NME7: variants seen among roughly 807,000 people sequenced by gnomAD.
NME7 encodes the protein nucleoside diphosphate kinase 7.
A neutral mutation model predicts 49.1 loss-of-function variants in NME7; 41 were observed. The observed-to-expected ratio is 0.83, with a 90% CI of 0.65 to 1.08. The LOEUF (loss-of-function observed/expected upper bound fraction) is 1.08. Ranked by LOEUF, NME7 falls within the 50% of genes least tolerant of loss-of-function variation. The pLI is 0.00. For missense variants in NME7, 423 were observed against 463.4 expected (o/e 0.91, Z 0.80); for synonymous variants, 139 against 150.6 (o/e 0.92, Z 0.56).
At position 169,324,399 on chromosome 1, in the gene NME7, A is replaced by T. The variant is rs750909167; in HGVS notation, c.105T>A (p.Val35=). Residue 35 remains valine, a synonymous_variant, in exon 2 of 12, where the codon GTT becomes GTA. Transcript: ENST00000367811. ...CAAAGAAAGGCTTATTTACCATTTC[A>T]ACAGATCCATCCCCTGGGTAAAATA... ...ELLFYPGDGS[V]EMHDVKNHRT... The T allele has an allele frequency of 6.2e-7, 1 of 1,606,938 alleles. No homozygotes were observed. The highest frequency in any genetic ancestry group is 8.5e-7 in the Non-Finnish European group (1 of 1,173,586).
chr1:169,171,138 C>T (rs1659574157), intron 10 of NME7, among the ~76,000 whole-genome samples: 1 of 152,052 alleles, frequency 6.6e-6, no homozygotes, highest in Non-Finnish European at 1.5e-5. Flanking sequence ...CAGGCTCATA[C>T]CTATAATCGG....
At chr1:169,133,665 TAATAGTTGAAGTCTTTAGGA>T (rs1415890396) in intron 11 of NME7, among the ~76,000 whole-genome samples, 1 of 152,238 alleles carries the variant, frequency 6.6e-6, no homozygotes, top group East Asian at 1.9e-4. Context: ...TGCTTAACTT[TAATAGTTGAAGTCTTTAGGA>T]GACTTCAGTA....
In NME7 at chr1:169,349,386, A is replaced by C. The variant is rs79301069; in HGVS notation, c.3+18322T>G. On this transcript the variant is annotated intron_variant, in intron 1 of 11. Transcript: ENST00000367811. The stretch of plus-strand genomic sequence containing the variant: ...GTTATCCTTTGCCCAGTCAGCCCCA[A>C]ATAAGTTTAAAGTTTTTAAATTTAT... Among the ~76,000 whole-genome samples, 6 of 152,302 alleles carry C rather than the reference A, an allele frequency of 3.9e-5. No individual in the cohort carries two copies. In the East Asian group the frequency reaches 1.2e-3, roughly 29 times the overall value.
Position 169,253,947 on chromosome 1 carries a change from C to A in NME7, c.755-16260G>T, listed in dbSNP as rs575667258. Among the ~76,000 whole-genome samples, 480 of 150,412 alleles carry A rather than the reference C, an allele frequency of 3.2e-3. 3 individuals carry two copies. Among genetic ancestry groups the A allele is most frequent in the African/African-American group, 0.011 (459 of 41,200 alleles). Reference sequence around the variant, plus strand: ...CATGGTGGATAAGCTTTTTGATGTGCTGCTGGATTCCTTTTGCCAGTATTT... The same window carrying A: ...CATGGTGGATAAGCTTTTTGATGTGATGCTGGATTCCTTTTGCCAGTATTT... On this transcript the variant is annotated intron_variant, in intron 7 of 11. Transcript: ENST00000367811.
chr1:169,177,839 GTTTT>G (rs59965189), intron 10 of NME7, among the ~76,000 whole-genome samples: 53,690 of 151,322 alleles, frequency 0.35, 10,300 homozygotes, highest in East Asian at 0.73. Context: ...CTCTTTTTTT[GTTTT>G]TTGTTTTTTT....
rs71121749 is a variant in NME7 at position 169,258,375 on chromosome 1, CATATAT to C, written c.755-20694_755-20689del. 2.5e-3 allele frequency among the ~76,000 whole-genome samples: 215 copies of C among 86,782 alleles called. 29 individuals are homozygous for C. The highest frequency in any genetic ancestry group is 3.2e-3 in the Non-Finnish European group (125 of 39,264). 56.9% of individuals were successfully genotyped at this position (86,782 alleles called of 152,430 possible). On this transcript the variant is annotated intron_variant, in intron 7 of 11. Transcript: ENST00000367811. ...AAAAATAAAATAAAATAAAATAAAA[CATATAT>C]ATATATATATATATATATATATATA...
At chr1:169,264,914 T>C (rs1346864271) in intron 7 of NME7, among the ~76,000 whole-genome samples, 2 of 133,780 alleles carry the variant, frequency 1.5e-5, no homozygotes, top group African/African-American at 5.1e-5. Flanking sequence ...CAGTTCAGCA[T>C]GGCTAGGGAG....
intron 3 of NME7, among the ~76,000 whole-genome samples, chr1:169,316,723 A>C (rs1372440429): frequency 1.3e-5 from 2 of 152,208 alleles, no homozygotes; most frequent in Non-Finnish European, 2.9e-5. Context: ...CCCCAAACCA[A>C]GGAATGTGGA....
Position 169,264,812 on chromosome 1 carries a change from C to T in NME7, c.754+22491G>A, listed in dbSNP as rs917991024. Among the ~76,000 whole-genome samples, 4 of 133,188 alleles carry T rather than the reference C, an allele frequency of 3.0e-5. 2 individuals are homozygous for T. The highest frequency in any genetic ancestry group is 5.1e-5 in the African/African-American group (2 of 39,396). 87.4% of individuals were successfully genotyped at this position (133,188 alleles called of 152,430 possible). On this transcript the variant is annotated intron_variant, in intron 7 of 11. Transcript: ENST00000367811. ...AAGAAGACAGAATATATATTCTTTT[C>T]ATTATCACATGTATTAGTCCGTACT...
At chr1:169,277,180 A>G (rs1315945047) in intron 7 of NME7, among the ~76,000 whole-genome samples, 1 of 149,172 alleles carries the variant, frequency 6.7e-6, no homozygotes, top group East Asian at 2.0e-4. Context: ...TGGGGTGGAG[A>G]GTTCTGTAGA....
chr1:169,286,569 A>G (rs181880523), intron 7 of NME7: 54 of 152,290 alleles, frequency 3.5e-4, no homozygotes, highest in African/African-American at 1.3e-3. Flanking sequence ...ATATATGCAA[A>G]CATGTATATA....
intron 10 of NME7, among the ~76,000 whole-genome samples, chr1:169,219,010 G>C (rs1417103729): frequency 6.6e-6 from 1 of 152,162 alleles, no homozygotes; most frequent in Non-Finnish European, 1.5e-5. Flanking sequence ...GATGGGAGGA[G>C]CTTTAATTTC....
chr1:169,367,690 G>A lies in NME7; in HGVS notation c.3+18C>T, dbSNP rs1233993462. The A allele has an allele frequency of 6.2e-7, 1 of 1,613,962 alleles. No homozygotes were observed. The highest frequency in any genetic ancestry group is 8.5e-7 in the Non-Finnish European group (1 of 1,179,994). ...GTAGGACCCCAGAGCCGTTCTTCTG[G>A]CATCCCCTGGCACTCACCATTGTCT... On this transcript the variant is annotated intron_variant, in intron 1 of 11. Coordinates refer to ENST00000367811, the MANE Select transcript of NME7 (RefSeq NM_013330.5).
chr1:169,232,467 T>A (rs1647669376), intron 9 of NME7, among the ~76,000 whole-genome samples: 2 of 149,038 alleles, frequency 1.3e-5, no homozygotes, highest in African/African-American at 5.0e-5. Context: ...AACCCAAGGA[T>A]AATAAATGTA....
At chr1:169,363,429 T>C (rs912929212) in intron 1 of NME7, among the ~76,000 whole-genome samples, 1 of 152,134 alleles carries the variant, frequency 6.6e-6, no homozygotes, top group Non-Finnish European at 1.5e-5. Context: ...TTACAACATG[T>C]AGTGAATATG....
chr1:169,200,595 C>A (rs1401164595), intron 10 of NME7, among the ~76,000 whole-genome samples: 1 of 152,116 alleles, frequency 6.6e-6, no homozygotes, highest in Non-Finnish European at 1.5e-5. Flanking sequence ...CAGGCTCTTA[C>A]AATCTGGATC....
intron 10 of NME7, among the ~76,000 whole-genome samples, chr1:169,175,116 AT>A (rs955609295): frequency 6.6e-6 from 1 of 151,902 alleles, no homozygotes; most frequent in African/African-American, 2.4e-5. Flanking sequence ...AGCTTTTTCT[AT>A]TTTTTAAGTT....
intron 3 of NME7, among the ~76,000 whole-genome samples, chr1:169,315,723 T>A (rs1457573915): frequency 1.3e-5 from 2 of 151,784 alleles, no homozygotes; most frequent in Non-Finnish European, 2.9e-5. Context: ...AAAACAAATC[T>A]CCGTATGTTT....
chr1:169,158,228 A>G (rs1390599117), intron 11 of NME7, among the ~76,000 whole-genome samples: 2 of 152,192 alleles, frequency 1.3e-5, no homozygotes, highest in African/African-American at 4.8e-5. Context: ...AACTCTATCT[A>G]TACTACGTTT....
Sources: allele counts gnomAD v4.1 joint callset (sites outside exome capture counted in the v4.1 genomes callset), GRCh38; gene constraint gnomAD v4.1.1; transcripts MANE v1.5; gene names NCBI Gene and HGNC (gene_info 2026-07-23, HGNC 2026-07-21).